The following FAM135B variants were observed in gnomAD, a reference collection of about 807,000 sequenced individuals.
FAM135B encodes the protein protein FAM135B.
A neutral mutation model predicts 127.7 loss-of-function variants in FAM135B; 43 were observed. The ratio of observed to expected loss-of-function variants is 0.34; its 90% CI spans 0.26 to 0.43. The LOEUF is 0.43. Among genes scored for constraint, FAM135B ranks in the 20% least tolerant of loss-of-function variants. The probability of loss-of-function intolerance (pLI) is 1.00; values close to 1 mark genes in which losing one functional copy is unlikely to be tolerated. For synonymous variants in FAM135B, 670 were observed against 665.1 expected (o/e 1.01, Z -0.11); for missense variants, 1,558 against 1,725.6 (o/e 0.90, Z 1.72).
At chr8:138,412,414 G>A (rs145704080) in intron 1 of FAM135B, among the ~76,000 whole-genome samples, 1 of 152,208 alleles carries the variant, frequency 6.6e-6, no homozygotes, top group Non-Finnish European at 1.5e-5. Context: ...AACCTTGGGG[G>A]GTAATTTGTT....
chr8:138,385,910 T>G (rs1273834711), intron 1 of FAM135B, among the ~76,000 whole-genome samples: 1 of 151,948 alleles, frequency 6.6e-6, no homozygotes. Flanking sequence ...CTCCAACATT[T>G]TATTTCATTT....
intron 4 of FAM135B, among the ~76,000 whole-genome samples, chr8:138,260,104 AC>A (rs2130580085): frequency 6.6e-6 from 1 of 152,292 alleles, no homozygotes; most frequent in East Asian, 1.9e-4. Flanking sequence ...TACTAGGGAT[AC>A]TTTACTGCCT....
At chr8:138,480,113 T>G (rs998023823) in intron 1 of FAM135B, among the ~76,000 whole-genome samples, 1 of 152,202 alleles carries the variant, frequency 6.6e-6, no homozygotes, top group Non-Finnish European at 1.5e-5. Context: ...TGGATCTGGA[T>G]GTCCATGAGC....
At chr8:138,492,918 G>T (rs900943119) in intron 1 of FAM135B, among the ~76,000 whole-genome samples, 1 of 152,160 alleles carries the variant, frequency 6.6e-6, no homozygotes, top group Non-Finnish European at 1.5e-5. Flanking sequence ...GCTCTTGAAA[G>T]GCAAGGACCT....
chr8:138,295,907 G>T (rs1488360904), intron 3 of FAM135B, among the ~76,000 whole-genome samples: 1 of 152,110 alleles, frequency 6.6e-6, no homozygotes, highest in Non-Finnish European at 1.5e-5. Flanking sequence ...AGGGGCAAAA[G>T]CACATTTGTC....
chr8:138,303,499 C>T (rs533932124), intron 3 of FAM135B, among the ~76,000 whole-genome samples: 9 of 152,194 alleles, frequency 5.9e-5, no homozygotes, highest in African/African-American at 1.9e-4. Flanking sequence ...GGGCTTAAAA[C>T]CTGGAGATGG....
intron 2 of FAM135B, among the ~76,000 whole-genome samples, chr8:138,334,684 G>T (rs564099549): frequency 6.6e-6 from 1 of 152,128 alleles, no homozygotes; most frequent in Non-Finnish European, 1.5e-5. Context: ...ATGAATAATG[G>T]CCCCCAGCTC....
chr8:138,170,832 A>C (rs1480986260), intron 11 of FAM135B, among the ~76,000 whole-genome samples: 1 of 152,068 alleles, frequency 6.6e-6, no homozygotes, highest in Non-Finnish European at 1.5e-5. Context: ...ATCTACCCTT[A>C]ATGTGGGTGG....
intron 3 of FAM135B, among the ~76,000 whole-genome samples, chr8:138,301,606 T>C (rs1825893409): frequency 6.6e-6 from 1 of 152,210 alleles, no homozygotes; most frequent in South Asian, 2.1e-4. Flanking sequence ...ATGAGATGCC[T>C]ACTCTGCCCC....
intron 2 of FAM135B, among the ~76,000 whole-genome samples, chr8:138,326,621 T>C (rs946419425): frequency 1.1e-4 from 16 of 151,564 alleles, no homozygotes; most frequent in African/African-American, 3.9e-4. Flanking sequence ...GGGAGAAGAG[T>C]TGAAAAGCAA....
intron 3 of FAM135B, among the ~76,000 whole-genome samples, chr8:138,276,748 G>A (rs1321909141): frequency 6.6e-6 from 1 of 152,146 alleles, no homozygotes; most frequent in East Asian, 1.9e-4. Context: ...ACACACCAGG[G>A]TTGCACTTGC....
intron 12 of FAM135B, among the ~76,000 whole-genome samples, chr8:138,160,954 T>C (rs893536018): frequency 6.6e-6 from 1 of 152,208 alleles, no homozygotes; most frequent in Non-Finnish European, 1.5e-5. Flanking sequence ...TTTTCAATTC[T>C]GACATTGCCA....
At chr8:138,234,679 G>C (rs1055523953) in intron 7 of FAM135B, among the ~76,000 whole-genome samples, 3 of 152,200 alleles carry the variant, frequency 2.0e-5, no homozygotes, top group East Asian at 1.9e-4. Context: ...GGCGCCTCTT[G>C]TATTCAGCTA....
chr8:138,332,416 T>C (rs1193381704), intron 2 of FAM135B, among the ~76,000 whole-genome samples: 1 of 152,150 alleles, frequency 6.6e-6, no homozygotes, highest in Non-Finnish European at 1.5e-5. Context: ...AATTATATCA[T>C]TCAGCCCTCC....
intron 1 of FAM135B, chr8:138,438,485 T>G (rs1005387332): frequency 1.3e-5 from 2 of 151,950 alleles, no homozygotes; most frequent in African/African-American, 4.8e-5. Flanking sequence ...CTGAGCTCTA[T>G]CAAAGAAAAA....
chr8:138,206,448 T>TACCCATGGCTCTATCATCCCCTCCAC (rs1817625608), intron 7 of FAM135B, among the ~76,000 whole-genome samples: 2 of 59,606 alleles, frequency 3.4e-5, no homozygotes, highest in Non-Finnish European at 3.5e-5. Context: ...ATCCCCTCCA[T>TACCCATGGCTCTATCATCCCCTCCAC]CTACACACAA....
At chr8:138,231,756 T>C (rs567936643) in intron 7 of FAM135B, among the ~76,000 whole-genome samples, 21 of 152,174 alleles carry the variant, frequency 1.4e-4, no homozygotes, top group Non-Finnish European at 4.4e-5. Context: ...CTATATAATG[T>C]GAGTATATTC....
chr8:138,240,268 C>T (rs550555076), intron 7 of FAM135B, among the ~76,000 whole-genome samples: 39 of 152,270 alleles, frequency 2.6e-4, no homozygotes, highest in East Asian at 1.9e-4. Flanking sequence ...TAACAGTCTC[C>T]GAGATAGAAA....
chr8:138,224,681 A>G (rs960347079), intron 7 of FAM135B, among the ~76,000 whole-genome samples: 2 of 152,170 alleles, frequency 1.3e-5, no homozygotes, highest in African/African-American at 4.8e-5. Flanking sequence ...GTGTCTCCCC[A>G]AAGTTCGTAT....
Sources: allele counts gnomAD v4.1 joint callset (sites outside exome capture counted in the v4.1 genomes callset), GRCh38; gene constraint gnomAD v4.1.1; transcripts MANE v1.5; gene names NCBI Gene and HGNC (gene_info 2026-07-23, HGNC 2026-07-21).